TMEM135: variants seen among roughly 807,000 people sequenced by gnomAD.
TMEM135 encodes peroxisomal membrane protein 52.
A neutral mutation model predicts 60.3 loss-of-function variants in TMEM135; 30 were observed. The observed-to-expected ratio is 0.50, with a 90% CI of 0.37 to 0.68. The LOEUF (loss-of-function observed/expected upper bound fraction) is 0.68. Ranked by LOEUF, TMEM135 falls within the 30% of genes least tolerant of loss-of-function variation. TMEM135 has a pLI of 0.00. For missense variants in TMEM135, 468 were observed against 548.8 expected (o/e 0.85, Z 1.47); for synonymous variants, 190 against 186.7 (o/e 1.02, Z -0.14).
At chr11:87,053,569 CTT>C (rs983356138) in intron 1 of TMEM135, among the ~76,000 whole-genome samples, 16 of 150,506 alleles carry the variant, frequency 1.1e-4, no homozygotes, top group South Asian at 4.2e-4. Context: ...TGAAGAAAGT[CTT>C]TTTAAAATGT....
At chr11:87,288,605 T>C (rs1942210203) in intron 6 of TMEM135, among the ~76,000 whole-genome samples, 1 of 152,216 alleles carries the variant, frequency 6.6e-6, no homozygotes. Flanking sequence ...ACTAAAATGA[T>C]GAAATTTCAG....
intron 5 of TMEM135, among the ~76,000 whole-genome samples, chr11:87,200,775 C>A (rs1350270327): frequency 6.6e-6 from 1 of 152,166 alleles, no homozygotes; most frequent in Non-Finnish European, 1.5e-5. Flanking sequence ...ATCCATTGAG[C>A]CTTCCCTCTG....
chr11:87,217,059 A>G (rs1191047451), intron 5 of TMEM135, among the ~76,000 whole-genome samples: 4 of 152,238 alleles, frequency 2.6e-5, no homozygotes, highest in Non-Finnish European at 5.9e-5. Flanking sequence ...TTTATCAGAA[A>G]TTGCCTGTTT....
At chr11:87,046,025 A>G (rs1949792586) in intron 1 of TMEM135, among the ~76,000 whole-genome samples, 1 of 152,210 alleles carries the variant, frequency 6.6e-6, no homozygotes, top group South Asian at 2.1e-4. Context: ...AGGCACATAT[A>G]CTCCTGTAAT....
At chr11:87,169,019 T>G (rs1003056923) in intron 5 of TMEM135, among the ~76,000 whole-genome samples, 8 of 152,104 alleles carry the variant, frequency 5.3e-5, no homozygotes, top group Non-Finnish European at 8.8e-5. Flanking sequence ...GATAGTTAAC[T>G]CATCTTGTTG....
At chr11:87,315,612 T>A (rs1942714158) in intron 12 of TMEM135, among the ~76,000 whole-genome samples, 1 of 151,958 alleles carries the variant, frequency 6.6e-6, no homozygotes, top group East Asian at 1.9e-4. Context: ...TGATGAAAAA[T>A]ACTATTACTC....
intron 11 of TMEM135, among the ~76,000 whole-genome samples, chr11:87,314,183 T>C (rs1255988196): frequency 6.6e-6 from 1 of 151,826 alleles, no homozygotes; most frequent in Non-Finnish European, 1.5e-5. Context: ...TTTTTTAAAT[T>C]GTATTTGGCA....
intron 5 of TMEM135, among the ~76,000 whole-genome samples, chr11:87,185,529 A>C (rs1939630716): frequency 6.6e-6 from 1 of 152,126 alleles, no homozygotes; most frequent in African/African-American, 2.4e-5. Context: ...CTCCTCTCAG[A>C]AATAAATCAT....
At chr11:87,144,736 T>G (rs1938363525) in intron 4 of TMEM135, among the ~76,000 whole-genome samples, 1 of 118,594 alleles carries the variant, frequency 8.4e-6, no homozygotes, top group Non-Finnish European at 1.8e-5. Flanking sequence ...GTGTGTGTGT[T>G]TTCTGGCTAC....
chr11:87,259,119 T>G (rs901507669), intron 6 of TMEM135: 1 of 797,274 alleles, frequency 1.3e-6, no homozygotes, highest in African/African-American at 1.7e-5. Flanking sequence ...CGGAAACATC[T>G]CCATCAGGCC....
intron 5 of TMEM135, among the ~76,000 whole-genome samples, chr11:87,235,194 T>C (rs113889624): frequency 2.8e-4 from 43 of 152,054 alleles, no homozygotes; most frequent in African/African-American, 9.9e-4. Context: ...CTTTAAGTTA[T>C]GTTTCTAAAA....
At chr11:87,069,495 T>G (rs1856734835) in intron 2 of TMEM135, among the ~76,000 whole-genome samples, 1 of 152,118 alleles carries the variant, frequency 6.6e-6, no homozygotes, top group Non-Finnish European at 1.5e-5. Context: ...AAATGTCACT[T>G]ACATTTTGTT....
At chr11:87,088,698 A>G (rs182355486) in intron 3 of TMEM135, among the ~76,000 whole-genome samples, 101 of 152,288 alleles carry the variant, frequency 6.6e-4, no homozygotes, top group Non-Finnish European at 1.3e-3. Flanking sequence ...CTTTATTCCA[A>G]TGTCACAATC....
intron 6 of TMEM135, among the ~76,000 whole-genome samples, chr11:87,273,248 C>T (rs1941902974): frequency 1.3e-5 from 2 of 152,074 alleles, no homozygotes; most frequent in African/African-American, 4.8e-5. Flanking sequence ...GCTAAGCCTC[C>T]TTTTCATCTG....
intron 7 of TMEM135, among the ~76,000 whole-genome samples, chr11:87,298,508 G>T (rs1375687992): frequency 6.6e-6 from 1 of 152,136 alleles, no homozygotes; most frequent in African/African-American, 2.4e-5. Flanking sequence ...TTTCCTTCAG[G>T]CTGGGCATGG....
At chr11:87,139,345 A>G (rs549191500) in intron 4 of TMEM135, among the ~76,000 whole-genome samples, 2 of 152,224 alleles carry the variant, frequency 1.3e-5, no homozygotes, top group African/African-American at 4.8e-5. Flanking sequence ...TTACAGTTTG[A>G]TGAGTTTTGG....
At chr11:87,297,076 GAC>G (rs921336490) in intron 7 of TMEM135, among the ~76,000 whole-genome samples, 5 of 152,094 alleles carry the variant, frequency 3.3e-5, no homozygotes, top group Admixed American at 6.6e-5. Context: ...CAGTATTTGA[GAC>G]ACTGAAAAAG....
intron 1 of TMEM135, among the ~76,000 whole-genome samples, chr11:87,046,932 G>A (rs1247887012): frequency 6.6e-6 from 1 of 152,156 alleles, no homozygotes. Flanking sequence ...CCTTGAGCAA[G>A]GTTCTTAACA....
At chr11:87,229,450 G>C (rs576101478) in intron 5 of TMEM135, among the ~76,000 whole-genome samples, 10 of 152,106 alleles carry the variant, frequency 6.6e-5, no homozygotes, top group Non-Finnish European at 8.8e-5. Flanking sequence ...AAAACAGTTT[G>C]ATAAAACACA....
Sources: gnomAD v4.1 joint callset for allele counts (sites outside exome capture counted in the v4.1 genomes callset) on GRCh38, gnomAD v4.1.1 for gene constraint, MANE v1.5 for transcripts, NCBI Gene and HGNC (gene_info 2026-07-23, HGNC 2026-07-21) for gene names.